HBS1L: variants seen among roughly 807,000 people sequenced by gnomAD.
HBS1L encodes HBS1 like translational GTPase, also known as HBS1-like protein.
A neutral mutation model predicts 88.9 loss-of-function variants in HBS1L; 55 were observed. The observed-to-expected ratio is 0.62, with a 90% confidence interval of 0.50 to 0.77. The LOEUF is 0.77. Among genes scored for constraint, HBS1L ranks in the 30% least tolerant of loss-of-function variants. The probability of loss-of-function intolerance (pLI) is 0.00; values close to 1 mark genes in which losing one functional copy is unlikely to be tolerated. For missense variants in HBS1L, 741 were observed against 829.3 expected, an observed-to-expected ratio of 0.89 and a Z score of 1.31; for synonymous variants, 267 against 288.5, an observed-to-expected ratio of 0.93 and a Z score of 0.76.
chr6:134,985,417 AAAG>A lies in HBS1L; in HGVS notation c.1424-11_1424-9del, dbSNP rs758326251. 1.7e-5 allele frequency: 27 copies of A among 1,581,942 alleles called. No homozygotes were observed. Among genetic ancestry groups the A allele is most frequent in the Non-Finnish European group, 2.2e-5 (26 of 1,163,284 alleles). ...GGGGAGGCTTAAAGGAATCTGGAAA[AAAG>A]AAATTGCAAAAGGCAAGGTTTAATT... is the stretch of plus-strand genomic sequence containing the variant. On this transcript the variant is annotated splice_polypyrimidine_tract_variant and intron_variant, in intron 11 of 17. Transcript: ENST00000367837.
At chr6:135,015,891 T>TC (rs1211327424) in intron 4 of HBS1L, among the ~76,000 whole-genome samples, 2 of 146,124 alleles carry the variant, frequency 1.4e-5, no homozygotes. Flanking sequence ...CCTTTTTTTT[T>TC]TTTTTTTTTT....
At chr6:134,968,257 T>C (rs1774374546) in intron 16 of HBS1L, among the ~76,000 whole-genome samples, 1 of 150,036 alleles carries the variant, frequency 6.7e-6, no homozygotes, top group African/African-American at 2.5e-5. Context: ...TTTTTTTTTT[T>C]CTTTTTTTTG....
At chr6:135,038,133 GCTT>G in intron 4 of HBS1L, 1 of 811,060 alleles carries the variant, frequency 1.2e-6, no homozygotes, top group African/African-American at 1.7e-5. Flanking sequence ...ATTACTAAAT[GCTT>G]CTTTTGATTA....
chr6:135,021,480 C>T (rs991150749), intron 4 of HBS1L, among the ~76,000 whole-genome samples: 1 of 152,062 alleles, frequency 6.6e-6, no homozygotes, highest in Non-Finnish European at 1.5e-5. Flanking sequence ...CAAATGACTT[C>T]ATTTCTTAGG....
intron 9 of HBS1L, among the ~76,000 whole-genome samples, chr6:134,987,254 C>A (rs1367887274): frequency 6.6e-6 from 1 of 150,834 alleles, no homozygotes; most frequent in African/African-American, 2.4e-5. Flanking sequence ...AACAGATAAC[C>A]CAATTTTGTA....
intron 7 of HBS1L, among the ~76,000 whole-genome samples, chr6:134,995,792 G>A (rs1410349899): frequency 6.6e-6 from 1 of 151,972 alleles, no homozygotes; most frequent in Non-Finnish European, 1.5e-5. Context: ...TACTAGGATA[G>A]AAAACAGGTC....
intron 2 of HBS1L, among the ~76,000 whole-genome samples, chr6:135,047,759 A>G (rs966143695): frequency 5.9e-5 from 9 of 152,202 alleles, no homozygotes; most frequent in Admixed American, 5.2e-4. Flanking sequence ...TAACCATATC[A>G]TCTTCTCAGT....
chr6:135,052,446 C>A (rs1044038346), intron 1 of HBS1L, among the ~76,000 whole-genome samples: 1 of 151,974 alleles, frequency 6.6e-6, no homozygotes, highest in Non-Finnish European at 1.5e-5. Context: ...GGGGCACATG[C>A]CTGTAGACCT....
intron 5 of HBS1L, among the ~76,000 whole-genome samples, chr6:134,999,736 C>T (rs1255049284): frequency 6.6e-6 from 1 of 152,178 alleles, no homozygotes; most frequent in African/African-American, 2.4e-5. Context: ...GGGTGAGCTA[C>T]TGTACCCGGC....
rs763467369 is a variant in HBS1L at position 134,966,421 on chromosome 6, T to C, written c.1951A>G (p.Ile651Val). Residue 651 changes from isoleucine to valine, a missense_variant, in exon 17 of 18, where the codon ATA (isoleucine) becomes GTA (valine). This residue lies in a region of HBS1L where 181 missense variants were observed against 212.7 expected (regional missense o/e 0.85). Coordinates refer to ENST00000367837, the MANE Select transcript of HBS1L (RefSeq NM_006620.4). Reference sequence around the variant, plus strand: ...AAGTCTTTATATAGCTCAAGAGCTATTGGTCTTTGTGTCTGTAGCTCTACC... The same window carrying C: ...AAGTCTTTATATAGCTCAAGAGCTACTGGTCTTTGTGTCTGTAGCTCTACC... ...ALVELQTQRP[I>V]ALELYKDFKE... The C allele has an allele frequency of 1.9e-6, 3 of 1,612,216 alleles. No individual in the cohort carries two copies. The highest frequency in any genetic ancestry group is 1.7e-5 in the Admixed American group (1 of 59,976).
At chr6:135,014,495 TTAAGA>T (rs1193826722) in intron 4 of HBS1L, among the ~76,000 whole-genome samples, 3 of 152,000 alleles carry the variant, frequency 2.0e-5, no homozygotes, top group Non-Finnish European at 4.4e-5. Context: ...GACAGAGAAA[TTAAGA>T]TAAGTTTCTA....
intron 13 of HBS1L, 128 bp from the exon 14 acceptor site, chr6:134,979,396 A>AT: frequency 1.5e-6 from 1 of 678,758 alleles, no homozygotes; most frequent in Non-Finnish European, 2.7e-6. Context: ...ATGGATTGAG[A>AT]GTAAGAAGTG....
Position 134,985,252 on chromosome 6 carries a change from T to C in HBS1L, c.1492+89A>G, listed in dbSNP as rs763624957. 1.3e-4 allele frequency: 95 copies of C among 707,978 alleles called. 1 individual carries two copies. The highest frequency in any genetic ancestry group is 5.1e-4 in the Middle Eastern group (2 of 3,950). The allele number at this position is 707,978 out of a possible 1,614,324, so 43.9% of individuals were successfully genotyped here. On this transcript the variant is annotated intron_variant, in intron 12 of 17. Coordinates refer to ENST00000367837, the MANE Select transcript of HBS1L (RefSeq NM_006620.4). ...GAGAGGAGAGACTCTGAAGGCAATA[T>C]ACTGTCATAACTTAGTCCAGGAAAG...
rs144849209 is a variant in HBS1L at position 135,012,224 on chromosome 6, A to G, written c.431-9382T>C. Among the ~76,000 whole-genome samples, 3 of 152,326 alleles carry G rather than the reference A, an allele frequency of 2.0e-5. No individual in the cohort carries two copies. The East Asian group carries it at 5.8e-4, about 29-fold the overall frequency. ...ATGGAATAGTATGCTACAGATATAG[A>G]ATTAGAAGACCTACATGTATGAAAA... is the stretch of plus-strand genomic sequence containing the variant. On this transcript the variant is annotated intron_variant, in intron 4 of 17. Coordinates refer to ENST00000367837, the MANE Select transcript of HBS1L (RefSeq NM_006620.4).
At chr6:134,991,232 T>G (rs1461187079) in intron 8 of HBS1L, among the ~76,000 whole-genome samples, 1 of 152,178 alleles carries the variant, frequency 6.6e-6, no homozygotes, top group African/African-American at 2.4e-5. Context: ...AAGTCCCTTA[T>G]ACAAAACAGG....
intron 4 of HBS1L, among the ~76,000 whole-genome samples, chr6:135,033,059 A>C (rs569529762): frequency 6.6e-6 from 1 of 152,330 alleles, no homozygotes; most frequent in Admixed American, 6.5e-5. Flanking sequence ...AGGACAAAAC[A>C]TCCATCCATG....
chr6:135,039,732 C>G lies in HBS1L; in HGVS notation c.271G>C (p.Val91Leu), dbSNP rs373087351. The part of the protein sequence containing the change: ...LYSCLDHMRE[V>L]LGDAVPDEIL... ...TCATCTGGCACAGCATCTCCAAGTA[C>G]CTCTCTCATGTGATCAAGGCATGAA... The change falls in exon 4 of 18, where the codon GTA becomes CTA. Residue 91 changes from valine to leucine, a missense_variant. Physicochemically the swap from Val to Leu is conservative, Grantham distance 32. Coordinates refer to ENST00000367837, the MANE Select transcript of HBS1L (RefSeq NM_006620.4). 9.9e-6 allele frequency: 16 copies of G among 1,613,714 alleles called. No individual in the cohort carries two copies. Among genetic ancestry groups the G allele is most frequent in the Non-Finnish European group, 1.2e-5 (14 of 1,179,998 alleles).
At position 135,040,935 on chromosome 6, in the gene HBS1L, CATA is replaced by C. The variant is rs551231169; in HGVS notation, c.235+1063_235+1065del. Among the ~76,000 whole-genome samples the C allele has an allele frequency of 4.1e-3, 630 of 152,096 alleles. 5 individuals carry two copies. The highest frequency in any genetic ancestry group is 0.013 in the African/African-American group (556 of 41,516). ...TTATGTATATTTCTTTTGTAATCCT[CATA>C]ATAAGTCTATGAGCTAGATATATCA... On this transcript the variant is annotated intron_variant, in intron 3 of 17. Coordinates refer to ENST00000367837, the MANE Select transcript of HBS1L (RefSeq NM_006620.4).
At chr6:134,977,384 C>A (rs1774678442) in intron 15 of HBS1L, among the ~76,000 whole-genome samples, 1 of 151,996 alleles carries the variant, frequency 6.6e-6, no homozygotes, top group South Asian at 2.1e-4. Flanking sequence ...GGACATACTG[C>A]TTTCTGTGAA....
Sources: gnomAD v4.1 joint callset for allele counts (sites outside exome capture counted in the v4.1 genomes callset) on GRCh38, gnomAD v4.1.1 for gene constraint, gnomAD v4.1.1 regional missense constraint, MANE v1.5 for transcripts, NCBI Gene and HGNC (gene_info 2026-07-23, HGNC 2026-07-21) for gene names.